The following UGT1A4 variants were observed in gnomAD, a reference collection of about 807,000 sequenced individuals.
UGT1A4 encodes UDP glucuronosyltransferase family 1 member A4, also known as UDP-glucuronosyltransferase 1A4.
UGT1A4 carries 32 observed loss-of-function variants against 41.1 expected under a neutral mutation model. The observed-to-expected ratio is 0.78, with a 90% CI of 0.59 to 1.05. The LOEUF (loss-of-function observed/expected upper bound fraction) is 1.05, where lower values mean the gene tolerates loss of function less well. UGT1A4 is among the 50% of genes least tolerant of loss of function. The pLI is 0.00. For missense variants in UGT1A4, 748 were observed against 677.4 expected (o/e 1.10, Z -1.16); for synonymous variants, 283 against 265.1 (o/e 1.07, Z -0.66).
chr2:233,753,749 G>A (rs143381120), intron 1 of UGT1A4: 2 of 152,342 alleles, frequency 1.3e-5, no homozygotes, highest in African/African-American at 4.8e-5. Context: ...CAATAGGACA[G>A]TTTTGCGTGG....
chr2:233,729,669 C>A (rs1433524187), intron 1 of UGT1A4: 1 of 1,613,792 alleles, frequency 6.2e-7, no homozygotes, highest in African/African-American at 1.3e-5. Context: ...GTGATTTAGA[C>A]TTTAAGGGCA....
intron 1 of UGT1A4, chr2:233,740,870 A>G (rs528081181): frequency 3.3e-5 from 5 of 151,856 alleles, no homozygotes; most frequent in Non-Finnish European, 7.3e-5. Context: ...TTCTTTAAAT[A>G]AAATGCTCTT....
rs1438675423 is a variant in UGT1A4 at position 233,720,224 on chromosome 2, C to CA, written c.867+538dup. On this transcript the variant is annotated intron_variant, in intron 1 of 4. Coordinates refer to ENST00000373409, the MANE Select transcript of UGT1A4 (RefSeq NM_007120.3). ...TGAAGGTGGGATGGATGCATGTGAT[C>CA]AGAGAATGAAACATGGAGTTCAGTT... is the stretch of plus-strand genomic sequence containing the variant. Among the ~76,000 whole-genome samples the CA allele has an allele frequency of 3.3e-5, 5 of 152,078 alleles. No homozygotes were observed. The East Asian group carries it at 9.6e-4, about 29-fold the overall frequency.
chr2:233,760,180 T>A, intron 1 of UGT1A4: 1 of 1,548,272 alleles, frequency 6.5e-7, no homozygotes, highest in Non-Finnish European at 8.7e-7. Context: ...GACAGCTTTT[T>A]ATAGTCACGT....
At chr2:233,722,560 G>C (rs2077022969) in intron 1 of UGT1A4, among the ~76,000 whole-genome samples, 1 of 152,082 alleles carries the variant, frequency 6.6e-6, no homozygotes, top group Non-Finnish European at 1.5e-5. Context: ...TGGTTGATTT[G>C]TAGCTGCTTT....
chr2:233,719,666 C>A lies in UGT1A4; in HGVS notation c.846C>A (p.Ala282=), dbSNP rs766884257. Residue 282 remains alanine (A), a synonymous_variant, in exon 1 of 5, where the codon GCC becomes GCA. Transcript: ENST00000373409. The stretch of plus-strand genomic sequence containing the variant: ...TCTTCATTGGGGGCATCAACTGTGC[C>A]AACGGGAAGCCACTATCTCAGGTCT... ...NMVFIGGINC[A]NGKPLSQEFE... is the part of the protein sequence containing the mutation. 27 of 1,614,092 alleles carry A rather than the reference C, an allele frequency of 1.7e-5. No homozygotes were observed. The highest frequency in any genetic ancestry group is 2.2e-5 in the Non-Finnish European group (26 of 1,179,960).
At chr2:233,763,341 T>G (rs1156611161) in intron 1 of UGT1A4, among the ~76,000 whole-genome samples, 1 of 152,260 alleles carries the variant, frequency 6.6e-6, no homozygotes, top group Admixed American at 6.5e-5. Context: ...TACATTTCCC[T>G]AGCACATCTT....
intron 1 of UGT1A4, among the ~76,000 whole-genome samples, chr2:233,721,312 CTCTTT>C (rs1419139960): frequency 1.3e-5 from 2 of 152,056 alleles, no homozygotes; most frequent in Non-Finnish European, 2.9e-5. Context: ...GTGATTGTGG[CTCTTT>C]TCTTGTGGTT....
chr2:233,772,227 T>G, intron 4 of UGT1A4, 35 bp from the exon 5 acceptor site: 7 of 1,613,472 alleles, frequency 4.3e-6, no homozygotes, highest in Non-Finnish European at 5.1e-6. Flanking sequence ...ATACCACAGG[T>G]GTTCCAGGCA....
chr2:233,719,614 A>C lies in UGT1A4; in HGVS notation c.794A>C (p.Tyr265Ser). Residue 265 changes from tyrosine to serine, a missense_variant, in exon 1 of 5, where the codon TAC becomes TCC. By Grantham distance (144) the Tyr-to-Ser change is moderately radical. Transcript: ENST00000373409. ...TTCCGAGGGGACTTTGTGATGGACT[A>C]CCCCAGGCCGATCATGCCCAACATG... is the stretch of plus-strand genomic sequence containing the variant. Reference protein sequence around the residue: ...WLFRGDFVMDYPRPIMPNMVF... With the variant: ...WLFRGDFVMDSPRPIMPNMVF... The C allele has an allele frequency of 1.9e-6, 3 of 1,613,882 alleles. No homozygotes were observed. Among genetic ancestry groups the C allele is most frequent in the Non-Finnish European group, 2.5e-6 (3 of 1,179,912 alleles).
At chr2:233,749,912 GT>G (rs559529572) in intron 1 of UGT1A4, among the ~76,000 whole-genome samples, 2 of 151,864 alleles carry the variant, frequency 1.3e-5, no homozygotes, top group African/African-American at 4.9e-5. Context: ...ACCTGGAACT[GT>G]GAGTCAATTA....
At chr2:233,747,665 A>G in intron 1 of UGT1A4, 5 of 1,601,138 alleles carry the variant, frequency 3.1e-6, no homozygotes, top group Non-Finnish European at 4.3e-6. Context: ...TGGTTTTAAT[A>G]GACCCAATTT....
chr2:233,772,468 T>C lies in UGT1A4; in HGVS notation c.1514T>C (p.Phe505Ser). ...TTGGCCGTCGTGCTGACAGTGGCCTTCATCACCTTTAAATGTTGTGCTTAT... is the reference window on the plus strand; with the variant it reads ...TTGGCCGTCGTGCTGACAGTGGCCTCCATCACCTTTAAATGTTGTGCTTAT... ...FLLAVVLTVA[F>S]ITFKCCAYGY... The change falls in exon 5 of 5, where the codon TTC becomes TCC. Residue 505 changes from phenylalanine to serine, a missense_variant. Coordinates refer to ENST00000373409, the MANE Select transcript of UGT1A4 (RefSeq NM_007120.3). 1 of 1,614,162 alleles carries C rather than the reference T, an allele frequency of 6.2e-7. No individual in the cohort carries two copies. Among genetic ancestry groups the C allele is most frequent in the South Asian group, 1.1e-5 (1 of 91,082 alleles).
intron 1 of UGT1A4, among the ~76,000 whole-genome samples, chr2:233,720,305 G>A (rs1333507011): frequency 1.3e-5 from 2 of 152,288 alleles, no homozygotes; most frequent in African/African-American, 2.4e-5. Context: ...TGGGGGTCTG[G>A]TGTATGATGT....
chr2:233,734,120 A>G (rs2078485100), intron 1 of UGT1A4, among the ~76,000 whole-genome samples: 1 of 152,036 alleles, frequency 6.6e-6, no homozygotes, highest in Non-Finnish European at 1.5e-5. Context: ...AATAATAATA[A>G]TAAAAAGAAT....
intron 1 of UGT1A4, among the ~76,000 whole-genome samples, chr2:233,757,667 T>C (rs1696692140): frequency 6.6e-6 from 1 of 151,042 alleles, no homozygotes; most frequent in South Asian, 2.1e-4. Context: ...ATTTTGGAAA[T>C]TCAAGGAATT....
At position 233,719,519 on chromosome 2, in the gene UGT1A4, T is replaced by A. The variant is rs757746269; in HGVS notation, c.699T>A (p.Ser233Arg). The change falls in exon 1 of 5, where the codon AGT becomes AGA. Residue 233 changes from serine to arginine, a missense_variant. Transcript: ENST00000373409. ...ATACTTTTTCTGCCCCTTATGCAAG[T>A]CTTGCCTCTGAGCTTTTTCAGAGAG... ...ICHTFSAPYA[S>R]LASELFQREV... 6.2e-7 allele frequency: 1 copy of A among 1,613,814 alleles called. No individual in the cohort carries two copies. Among genetic ancestry groups the A allele is most frequent in the East Asian group, 2.2e-5 (1 of 44,884 alleles).
At chr2:233,729,141 C>G (rs751723491) in intron 1 of UGT1A4, 1 of 1,613,390 alleles carries the variant, frequency 6.2e-7, no homozygotes, top group South Asian at 1.1e-5. Flanking sequence ...CCACAGGACT[C>G]CAGGTTCCCC....
At position 233,747,735 on chromosome 2, in the gene UGT1A4, A is replaced by G. The variant is rs890289369; in HGVS notation, c.868-19299A>G. 5 of 1,613,242 alleles carry G rather than the reference A, an allele frequency of 3.1e-6. No individual in the cohort carries two copies. The African/African-American group carries it at 4.0e-5, about 13-fold the overall frequency. On this transcript the variant is annotated intron_variant, in intron 1 of 4. Coordinates refer to ENST00000373409, the MANE Select transcript of UGT1A4 (RefSeq NM_007120.3). ...AATTCCTGCTGTGTTTTTTTTGAGGAACATTCCATGTGATTTAGACTTTAA... is the reference window on the plus strand; with the variant it reads ...AATTCCTGCTGTGTTTTTTTTGAGGGACATTCCATGTGATTTAGACTTTAA...
Sources: gnomAD v4.1 joint callset for allele counts (sites outside exome capture counted in the v4.1 genomes callset) on GRCh38, gnomAD v4.1.1 for gene constraint, MANE v1.5 for transcripts, NCBI Gene and HGNC (gene_info 2026-07-23, HGNC 2026-07-21) for gene names.